The following SERPINE2 variants were observed in gnomAD, a reference collection of about 807,000 sequenced individuals.
SERPINE2 encodes the protein serpin family E member 2, also known as glia-derived nexin.
Under a neutral mutation model 36.3 loss-of-function variants are expected in SERPINE2, and 14 were observed. The ratio of observed to expected loss-of-function variants is 0.39; its 90% CI spans 0.25 to 0.60. The LOEUF (loss-of-function observed/expected upper bound fraction) is 0.60, where lower values mean the gene tolerates loss of function less well. Ranked by LOEUF, SERPINE2 falls within the 20% of genes least tolerant of loss-of-function variation. The pLI is 0.57. For synonymous variants in SERPINE2, 192 were observed against 191.8 expected (o/e 1.00, Z -0.01); for missense variants, 418 against 499.6 (o/e 0.84, Z 1.56).
At chr2:224,019,034 C>T (rs969898754) in intron 1 of SERPINE2, among the ~76,000 whole-genome samples, 1 of 152,288 alleles carries the variant, frequency 6.6e-6, no homozygotes, top group Non-Finnish European at 1.5e-5. Context: ...GGCTCTGAGT[C>T]GGCCTGTCTG....
chr2:223,983,246 T>C (rs1690290779), intron 5 of SERPINE2, among the ~76,000 whole-genome samples: 1 of 152,206 alleles, frequency 6.6e-6, no homozygotes, highest in Admixed American at 6.5e-5. Context: ...ACATTCCTGA[T>C]AGTTCATTTT....
chr2:223,980,515 A>G, intron 6 of SERPINE2, 118 bp from the exon 7 acceptor site: 1 of 782,846 alleles, frequency 1.3e-6, no homozygotes, highest in Non-Finnish European at 2.2e-6. Flanking sequence ...AAGTGTCAGA[A>G]GACATGACCT....
At chr2:223,989,807 G>A (rs1014302083) in intron 4 of SERPINE2, among the ~76,000 whole-genome samples, 3 of 152,192 alleles carry the variant, frequency 2.0e-5, no homozygotes, top group Non-Finnish European at 4.4e-5. Context: ...TTTCTGGTCC[G>A]AATTAGGTAC....
At chr2:224,003,803 G>A (rs1005759854) in intron 1 of SERPINE2, among the ~76,000 whole-genome samples, 7 of 152,190 alleles carry the variant, frequency 4.6e-5, no homozygotes, top group Non-Finnish European at 7.3e-5. Context: ...ACAGTCTCCC[G>A]TGGAGCCAAT....
chr2:223,985,054 G>T, intron 4 of SERPINE2, 104 bp from the exon 5 acceptor site: 1 of 898,206 alleles, frequency 1.1e-6, no homozygotes, highest in Non-Finnish European at 1.8e-6. Flanking sequence ...CTCAGTTGGA[G>T]AACTTCCCTT....
At chr2:223,980,629 C>G (rs1479733960) in intron 6 of SERPINE2, 2 of 468,948 alleles carry the variant, frequency 4.3e-6, no homozygotes, top group Non-Finnish European at 7.7e-6. Context: ...CCCAGGCCCT[C>G]AAATGATTTA....
chr2:224,033,230 G>A (rs1398052841), intron 1 of SERPINE2, among the ~76,000 whole-genome samples: 5 of 152,196 alleles, frequency 3.3e-5, no homozygotes, highest in Non-Finnish European at 2.9e-5. Context: ...AGGTTGACAA[G>A]ATTCAAGTAT....
intron 1 of SERPINE2, among the ~76,000 whole-genome samples, chr2:224,003,185 G>A (rs576210031): frequency 5.9e-5 from 9 of 152,206 alleles, no homozygotes; most frequent in East Asian, 3.9e-4. Flanking sequence ...GAGCAGGGCC[G>A]AGGCCCTGAC....
chr2:223,976,732 T>C (rs1244495576), intron 8 of SERPINE2, among the ~76,000 whole-genome samples: 1 of 152,242 alleles, frequency 6.6e-6, no homozygotes, highest in Non-Finnish European at 1.5e-5. Context: ...ATTTTAAAGA[T>C]GAGGCTTAAG....
intron 1 of SERPINE2, among the ~76,000 whole-genome samples, chr2:224,006,044 A>G (rs1691412192): frequency 6.6e-6 from 1 of 152,244 alleles, no homozygotes; most frequent in Non-Finnish European, 1.5e-5. Flanking sequence ...TTAACGTAGT[A>G]AATAATGGGA....
chr2:224,024,378 GT>G (rs1348141468), intron 1 of SERPINE2, among the ~76,000 whole-genome samples: 1 of 152,218 alleles, frequency 6.6e-6, no homozygotes, highest in African/African-American at 2.4e-5. Flanking sequence ...GGGAAACATG[GT>G]TCCGAACCTG....
intron 1 of SERPINE2, among the ~76,000 whole-genome samples, chr2:224,006,993 G>C (rs867432194): frequency 1.3e-5 from 2 of 152,182 alleles, no homozygotes; most frequent in East Asian, 1.9e-4. Flanking sequence ...CACCTGTGAC[G>C]AGACCCCTTA....
intron 1 of SERPINE2, among the ~76,000 whole-genome samples, chr2:224,002,480 C>T (rs1175376146): frequency 1.3e-5 from 2 of 151,818 alleles, no homozygotes; most frequent in Non-Finnish European, 2.9e-5. Flanking sequence ...ATTTAATTCT[C>T]GGTTATTTTA....
At chr2:223,978,870 G>C (rs1015920304) in intron 7 of SERPINE2, 1 of 152,236 alleles carries the variant, frequency 6.6e-6, no homozygotes, top group African/African-American at 2.4e-5. Context: ...TAATGCCTTT[G>C]AGGAGGTAAT....
chr2:224,018,511 C>A (rs948460396), intron 1 of SERPINE2, among the ~76,000 whole-genome samples: 2 of 150,074 alleles, frequency 1.3e-5, no homozygotes, highest in Non-Finnish European at 3.0e-5. Flanking sequence ...AAGCCTGTAA[C>A]AATGGTAACT....
intron 3 of SERPINE2, among the ~76,000 whole-genome samples, chr2:223,993,744 TA>T (rs1466605847): frequency 5.3e-5 from 8 of 152,150 alleles, no homozygotes; most frequent in Admixed American, 5.2e-4. Flanking sequence ...TAAATCATGA[TA>T]AATAAACACT....
intron 2 of SERPINE2, among the ~76,000 whole-genome samples, chr2:224,000,702 A>C (rs1231292504): frequency 6.6e-6 from 1 of 151,848 alleles, no homozygotes; most frequent in Non-Finnish European, 1.5e-5. Flanking sequence ...CCACCCCTCG[A>C]CAGGCCCCAG....
chr2:224,005,290 G>C (rs1691382413), intron 1 of SERPINE2, among the ~76,000 whole-genome samples: 1 of 151,560 alleles, frequency 6.6e-6, no homozygotes, highest in South Asian at 2.1e-4. Context: ...TGTTTTTCTG[G>C]GTTTCTTGGA....
At chr2:223,997,439 C>T (rs895829852) in intron 3 of SERPINE2, among the ~76,000 whole-genome samples, 1 of 152,144 alleles carries the variant, frequency 6.6e-6, no homozygotes, top group Non-Finnish European at 1.5e-5. Flanking sequence ...AGGCTGGTCT[C>T]GAACTCCTGA....
Sources: gnomAD v4.1 joint callset for allele counts (sites outside exome capture counted in the v4.1 genomes callset) on GRCh38, gnomAD v4.1.1 for gene constraint, MANE v1.5 for transcripts, NCBI Gene and HGNC (gene_info 2026-07-23, HGNC 2026-07-21) for gene names.